ZRANB3: variants seen among roughly 807,000 people sequenced by gnomAD.
The protein encoded by ZRANB3 is DNA annealing helicase and endonuclease ZRANB3.
Under a neutral mutation model 133.8 loss-of-function variants are expected in ZRANB3, and 125 were observed. That is an observed-to-expected ratio of 0.93 (90% CI 0.81 to 1.08). The LOEUF (loss-of-function observed/expected upper bound fraction) is 1.08, where lower values mean the gene tolerates loss of function less well. ZRANB3 is among the 50% of genes least tolerant of loss of function. ZRANB3 has a pLI of 0.00. For missense variants in ZRANB3, 1,229 were observed against 1,275.5 expected (o/e 0.96, Z 0.56); for synonymous variants, 387 against 432.7 (o/e 0.89, Z 1.31).
Position 135,200,226 on chromosome 2 carries a change from C to A in ZRANB3, c.*116G>T. The A allele has an allele frequency of 1.2e-6, 1 of 812,104 alleles. No homozygotes were observed. Among genetic ancestry groups the A allele is most frequent in the Non-Finnish European group, 2.0e-6 (1 of 504,288 alleles). The allele number at this position is 812,104 out of a possible 1,614,324, so 50.3% of individuals were successfully genotyped here. ...TAATTAGTAGAAGAGAATTTGAATT[C>A]TTGATTTTTGTTCTGAAAATTTTTA... On this transcript the variant is annotated 3_prime_UTR_variant, in exon 21 of 21. Transcript: ENST00000264159.
intron 2 of ZRANB3, among the ~76,000 whole-genome samples, chr2:135,406,581 T>G (rs1688044857): frequency 6.6e-6 from 1 of 152,188 alleles, no homozygotes; most frequent in South Asian, 2.1e-4. Flanking sequence ...AATAAAATAC[T>G]GGCAAACCGA....
intron 3 of ZRANB3, among the ~76,000 whole-genome samples, chr2:135,359,109 A>T (rs1352862888): frequency 6.6e-6 from 1 of 152,072 alleles, no homozygotes; most frequent in Non-Finnish European, 1.5e-5. Context: ...CTCGACATCC[A>T]AATGAAATTT....
chr2:135,228,646 G>A (rs999693400), intron 13 of ZRANB3, among the ~76,000 whole-genome samples: 2 of 152,144 alleles, frequency 1.3e-5, no homozygotes, highest in Non-Finnish European at 1.5e-5. Context: ...TTATTTGGAG[G>A]TTACTTGATG....
intron 8 of ZRANB3, among the ~76,000 whole-genome samples, chr2:135,281,332 G>C (rs1480578520): frequency 2.0e-5 from 3 of 151,962 alleles, no homozygotes; most frequent in Admixed American, 2.0e-4. Context: ...TTCAGGTATC[G>C]CATGACCTTT....
chr2:135,443,720 T>A (rs1689896813), intron 2 of ZRANB3, among the ~76,000 whole-genome samples: 1 of 151,696 alleles, frequency 6.6e-6, no homozygotes. Flanking sequence ...TGATCAGTAC[T>A]TTTCAAAAAG....
chr2:135,343,746 G>GA (rs1311499651), intron 6 of ZRANB3, among the ~76,000 whole-genome samples: 1 of 149,922 alleles, frequency 6.7e-6, no homozygotes, highest in African/African-American at 2.5e-5. Context: ...ACAACTGACA[G>GA]AAAAAAAGTA....
chr2:135,282,836 T>C (rs1224973105), intron 8 of ZRANB3, among the ~76,000 whole-genome samples: 2 of 152,194 alleles, frequency 1.3e-5, no homozygotes, highest in Non-Finnish European at 2.9e-5. Flanking sequence ...AATCAATCTA[T>C]CAATTTGGCA....
chr2:135,381,552 G>A (rs1024457847), intron 3 of ZRANB3, among the ~76,000 whole-genome samples: 7 of 152,154 alleles, frequency 4.6e-5, no homozygotes, highest in South Asian at 2.1e-4. Context: ...TGCCTCTCAC[G>A]TGGGTCCCTG....
At chr2:135,502,122 T>G (rs1692977012) in intron 2 of ZRANB3, among the ~76,000 whole-genome samples, 1 of 152,172 alleles carries the variant, frequency 6.6e-6, no homozygotes, top group African/African-American at 2.4e-5. Context: ...ATCCTGAAAT[T>G]ATTATTTCAT....
In ZRANB3 at chr2:135,199,490, G is replaced by C. The variant is rs1693529486; in HGVS notation, c.*852C>G. 2 of 152,044 alleles carry C rather than the reference G, an allele frequency of 1.3e-5. No individual in the cohort carries two copies. The highest frequency in any genetic ancestry group is 2.9e-5 in the Non-Finnish European group (2 of 68,048). 9.4% of individuals were successfully genotyped at this position (152,044 alleles called of 1,614,324 possible). The stretch of plus-strand genomic sequence containing the variant: ...TTTTTGTATTTTTAGTAGAGATGGG[G>C]TTTCACCGTATTAGCCAGGATGGTC... On this transcript the variant is annotated 3_prime_UTR_variant, in exon 21 of 21. Transcript: ENST00000264159.
intron 1 of ZRANB3, among the ~76,000 whole-genome samples, chr2:135,527,413 G>C (rs1326817440): frequency 6.6e-6 from 1 of 152,044 alleles, no homozygotes; most frequent in Non-Finnish European, 1.5e-5. Flanking sequence ...ACAAAAGTTA[G>C]CCAGGCATGA....
chr2:135,288,227 T>C (rs1681485686), intron 8 of ZRANB3, among the ~76,000 whole-genome samples: 1 of 152,208 alleles, frequency 6.6e-6, no homozygotes, highest in Non-Finnish European at 1.5e-5. Flanking sequence ...TTAGGTGGTG[T>C]ATCACATTTA....
chr2:135,352,497 T>C (rs1685255593), intron 4 of ZRANB3, among the ~76,000 whole-genome samples: 2 of 152,062 alleles, frequency 1.3e-5, no homozygotes, highest in African/African-American at 2.4e-5. Flanking sequence ...TAGGATAAGA[T>C]AGCAGTTTTT....
intron 2 of ZRANB3, among the ~76,000 whole-genome samples, chr2:135,432,009 G>A (rs2104982650): frequency 6.6e-6 from 1 of 152,294 alleles, no homozygotes; most frequent in African/African-American, 2.4e-5. Context: ...CCAGCACTTT[G>A]GGAGGCTGAG....
chr2:135,345,568 T>C lies in ZRANB3; in HGVS notation c.659A>G (p.Tyr220Cys). The C allele has an allele frequency of 6.2e-7, 1 of 1,612,494 alleles. No homozygotes were observed. ...AACTTACCTGATGTGTGCATTACAG[T>C]ATCTTTTTGCATAGTCGGTCCATCT... ...FGRWTDYAKR[Y>C]CNAHIRYFGK... The change falls in exon 6 of 21, where the codon TAC becomes TGC. Residue 220 changes from tyrosine to cysteine, a missense_variant. By Grantham distance (194) the Tyr-to-Cys change is radical. Coordinates refer to ENST00000264159, the MANE Select transcript of ZRANB3 (RefSeq NM_032143.4).
At chr2:135,513,003 G>A (rs1693536413) in intron 1 of ZRANB3, among the ~76,000 whole-genome samples, 1 of 152,112 alleles carries the variant, frequency 6.6e-6, no homozygotes, top group Non-Finnish European at 1.5e-5. Context: ...TTATTTTCAA[G>A]CTCATTGTGT....
At chr2:135,414,312 G>A (rs1030491326) in intron 2 of ZRANB3, among the ~76,000 whole-genome samples, 1 of 151,808 alleles carries the variant, frequency 6.6e-6, no homozygotes, top group South Asian at 2.1e-4. Flanking sequence ...TCCTAGTCTC[G>A]GATAAAACAG....
intron 17 of ZRANB3, among the ~76,000 whole-genome samples, chr2:135,216,734 G>A (rs1047826832): frequency 4.6e-5 from 7 of 151,916 alleles, no homozygotes; most frequent in African/African-American, 1.5e-4. Flanking sequence ...GCCACCGCGC[G>A]CAGCCTGCAA....
At chr2:135,230,965 A>G in intron 12 of ZRANB3, 38 bp from the exon 13 acceptor site, 1 of 1,503,058 alleles carries the variant, frequency 6.7e-7, no homozygotes, top group South Asian at 1.4e-5. Context: ...AGTAAGAAGC[A>G]ATCTAATATG....
Sources: gnomAD v4.1 joint callset for allele counts (sites outside exome capture counted in the v4.1 genomes callset) on GRCh38, gnomAD v4.1.1 for gene constraint, MANE v1.5 for transcripts, NCBI Gene and HGNC (gene_info 2026-07-23, HGNC 2026-07-21) for gene names.